EPHA6: variants seen among roughly 807,000 people sequenced by gnomAD.
The protein encoded by EPHA6 is EPH receptor A6, also known as ephrin type-A receptor 6.
Under a neutral mutation model 112.0 loss-of-function variants are expected in EPHA6, and 50 were observed. The observed-to-expected ratio is 0.45, with a 90% confidence interval of 0.36 to 0.56. EPHA6 has a LOEUF of 0.56. Among genes scored for constraint, EPHA6 ranks in the 20% least tolerant of loss-of-function variants. The pLI, the probability that EPHA6 is intolerant of heterozygous loss-of-function variation, is 0.00. For synonymous variants in EPHA6, 529 were observed against 490.7 expected (o/e 1.08, Z -1.03); for missense variants, 1,280 against 1,417.4 (o/e 0.90, Z 1.56).
At chr3:97,263,721 A>C (rs906961944) in intron 5 of EPHA6, among the ~76,000 whole-genome samples, 1 of 152,110 alleles carries the variant, frequency 6.6e-6, no homozygotes, top group African/African-American at 2.4e-5. Flanking sequence ...CTTTTGTTAT[A>C]ATTGTAATAT....
rs200578676 is a variant in EPHA6, at chr3:96,997,030, CT to C, written c.1114+9039del. Among the ~76,000 whole-genome samples, 466 of 152,190 alleles carry C rather than the reference CT, an allele frequency of 3.1e-3. 6 individuals are homozygous for C. Among genetic ancestry groups the C allele is most frequent in the African/African-American group, 0.011 (446 of 41,558 alleles). Reference sequence around the variant, plus strand: ...ACATCATCAGCACCTGCTGCTTTACCTTGCATTATTGTCTTATAGAGATGGC... The same window carrying C: ...ACATCATCAGCACCTGCTGCTTTACCTGCATTATTGTCTTATAGAGATGGC... On this transcript the variant is annotated intron_variant, in intron 3 of 17. Transcript: ENST00000389672.
intron 5 of EPHA6, among the ~76,000 whole-genome samples, chr3:97,386,325 C>T (rs1259455351): frequency 6.6e-6 from 1 of 152,004 alleles, no homozygotes; most frequent in Non-Finnish European, 1.5e-5. Context: ...TGGACTAATA[C>T]AGAAAATTTG....
Position 96,814,830 on chromosome 3 carries a change from C to G in EPHA6, c.207C>G (p.Pro69=), listed in dbSNP as rs550036834. 9 of 1,583,508 alleles carry G rather than the reference C, an allele frequency of 5.7e-6. No individual in the cohort carries two copies. Among genetic ancestry groups the G allele is most frequent in the Non-Finnish European group, 7.7e-6 (9 of 1,164,304 alleles). ...EEEEEDVDKD[P]HPTQNTCLRC... ...AGGAAGAAGACGTGGACAAGGACCC[C>G]CATCCTACCCAGAACACCTGCCTGC... The change falls in exon 1 of 18, where the codon CCC becomes CCG. Residue 69 remains proline (P), a synonymous_variant. Transcript: ENST00000389672.
chr3:97,383,823 G>C (rs2085897808), intron 5 of EPHA6, among the ~76,000 whole-genome samples: 1 of 152,034 alleles, frequency 6.6e-6, no homozygotes, highest in Non-Finnish European at 1.5e-5. Flanking sequence ...TTGCAATCTA[G>C]TGTCTCCAAA....
intron 5 of EPHA6, among the ~76,000 whole-genome samples, chr3:97,311,472 ACACG>A (rs201305414): frequency 2.7e-5 from 4 of 149,562 alleles, no homozygotes; most frequent in African/African-American, 1.0e-4. Context: ...ACACACACAC[ACACG>A]TTTGCTCTGG....
intron 13 of EPHA6, among the ~76,000 whole-genome samples, chr3:97,617,259 T>C (rs990811581): frequency 6.6e-6 from 1 of 152,090 alleles, no homozygotes; most frequent in Non-Finnish European, 1.5e-5. Flanking sequence ...ACCTGTCTTA[T>C]AAGAGCTCCT....
intron 3 of EPHA6, among the ~76,000 whole-genome samples, chr3:97,174,341 G>A (rs368023637): frequency 8.0e-4 from 121 of 151,896 alleles, no homozygotes; most frequent in African/African-American, 2.6e-3. Flanking sequence ...ACTATGGTGA[G>A]CAGTGCTGCA....
chr3:97,649,524 G>T (rs1443245270), intron 14 of EPHA6, among the ~76,000 whole-genome samples: 1 of 151,954 alleles, frequency 6.6e-6, no homozygotes, highest in Non-Finnish European at 1.5e-5. Context: ...TAAAGGAAAT[G>T]GCACTTTTTT....
intron 5 of EPHA6, among the ~76,000 whole-genome samples, chr3:97,309,234 T>C (rs533074660): frequency 1.3e-4 from 20 of 151,654 alleles, no homozygotes; most frequent in Non-Finnish European, 2.5e-4. Context: ...CACATAAAAA[T>C]AACATTTAAA....
rs116278402 is a variant in EPHA6, at chr3:97,547,041, G to A, written c.2386+14498G>A. On this transcript the variant is annotated intron_variant, in intron 11 of 17. Transcript: ENST00000389672. Reference sequence around the variant, plus strand: ...TCCTGTAGCTCGGAGTACTTTTATCGTCTGAAGCCTTCTTCTGTCAGCTCA... The same window carrying A: ...TCCTGTAGCTCGGAGTACTTTTATCATCTGAAGCCTTCTTCTGTCAGCTCA... Among the ~76,000 whole-genome samples the A allele has an allele frequency of 3.7e-3, 555 of 151,906 alleles. 4 individuals are homozygous for A. Among genetic ancestry groups the A allele is most frequent in the African/African-American group, 0.013 (539 of 41,422 alleles).
At chr3:97,659,366 A>T (rs1450092131) in intron 14 of EPHA6, among the ~76,000 whole-genome samples, 1 of 151,982 alleles carries the variant, frequency 6.6e-6, no homozygotes, top group African/African-American at 2.4e-5. Flanking sequence ...TGACATTTTT[A>T]AATGCCAATG....
intron 3 of EPHA6, among the ~76,000 whole-genome samples, chr3:97,077,485 AC>A (rs1199165805): frequency 6.6e-6 from 1 of 152,050 alleles, no homozygotes; most frequent in Admixed American, 6.6e-5. Context: ...GGCCCGCTGT[AC>A]CCATCAACCC....
At chr3:97,214,590 G>A (rs768970141) in intron 3 of EPHA6, among the ~76,000 whole-genome samples, 2 of 149,678 alleles carry the variant, frequency 1.3e-5, no homozygotes, top group South Asian at 2.1e-4. Flanking sequence ...TTTGATTTTT[G>A]CCATATGTAT....
intron 3 of EPHA6, among the ~76,000 whole-genome samples, chr3:97,121,032 A>G (rs1384520350): frequency 6.6e-6 from 1 of 152,042 alleles, no homozygotes; most frequent in Non-Finnish European, 1.5e-5. Flanking sequence ...TTCAGAGAAA[A>G]CAGAATTAAA....
chr3:97,074,157 CT>C (rs1169356605), intron 3 of EPHA6, among the ~76,000 whole-genome samples: 1 of 151,766 alleles, frequency 6.6e-6, no homozygotes. Context: ...CATTCCCTGT[CT>C]TGGTGTTCTT....
At chr3:97,652,452 AAATCAG>A (rs1251316749) in intron 14 of EPHA6, among the ~76,000 whole-genome samples, 16 of 152,122 alleles carry the variant, frequency 1.1e-4, no homozygotes, top group African/African-American at 3.9e-4. Flanking sequence ...TCCAAGAAAT[AAATCAG>A]GATTTATATG....
Position 97,448,577 on chromosome 3 carries a change from C to T in EPHA6, c.1741C>T (p.Gln581Ter). Residue 581 changes from glutamine to a stop codon, truncating the protein, a stop_gained, in exon 7 of 18, where the codon CAG (glutamine) becomes TAG (stop). Coordinates refer to ENST00000389672, the MANE Select transcript of EPHA6 (RefSeq NM_001080448.3). LOFTEE classifies it high-confidence loss of function. ...TTTTTCTGTCCCCCAGGAACATGAG[C>T]AGCTGACCTACTCTTCCACAAGGTC... ...EIKYYEKEHE[Q>*]LTYSSTRSKA... 1 of 1,613,318 alleles carries T rather than the reference C, an allele frequency of 6.2e-7. No individual in the cohort carries two copies. The highest frequency in any genetic ancestry group is 8.5e-7 in the Non-Finnish European group (1 of 1,179,462).
At chr3:96,891,335 A>G (rs889525068) in intron 2 of EPHA6, among the ~76,000 whole-genome samples, 1 of 152,220 alleles carries the variant, frequency 6.6e-6, no homozygotes, top group South Asian at 2.1e-4. Flanking sequence ...CTGGAAACCA[A>G]AGAGCACATA....
At chr3:97,510,923 G>A (rs1287007840) in intron 10 of EPHA6, among the ~76,000 whole-genome samples, 2 of 152,242 alleles carry the variant, frequency 1.3e-5, no homozygotes, top group African/African-American at 4.8e-5. Flanking sequence ...TCTGGCTACA[G>A]CAGCTTTGCG....
Sources: allele counts gnomAD v4.1 joint callset (sites outside exome capture counted in the v4.1 genomes callset), GRCh38; gene constraint gnomAD v4.1.1; transcripts MANE v1.5; gene names NCBI Gene and HGNC (gene_info 2026-07-23, HGNC 2026-07-21).